RAC1: variants seen among roughly 807,000 people sequenced by gnomAD.
RAC1 encodes the protein ras-related C3 botulinum toxin substrate 1.
A neutral mutation model predicts 25.2 loss-of-function variants in RAC1; 2 were observed. That is an observed-to-expected ratio of 0.08 (90% CI 0.03 to 0.25). The LOEUF (loss-of-function observed/expected upper bound fraction) is 0.25, where lower values mean the gene tolerates loss of function less well. RAC1 is among the 10% of genes least tolerant of loss of function. The probability of loss-of-function intolerance (pLI) is 1.00; values close to 1 mark genes in which losing one functional copy is unlikely to be tolerated. For missense variants in RAC1, 50 were observed against 235.7 expected, an observed-to-expected ratio of 0.21 and a Z score of 5.16; for synonymous variants, 88 against 94.0, an observed-to-expected ratio of 0.94 and a Z score of 0.37.
chr7:6,381,390 CTTTTT>C (rs71008386), intron 1 of RAC1, among the ~76,000 whole-genome samples: 2 of 132,286 alleles, frequency 1.5e-5, no homozygotes, highest in Non-Finnish European at 3.2e-5. Flanking sequence ...TAATTGCTGG[CTTTTT>C]TTTTTTTTTT....
At chr7:6,402,219 G>A in intron 5 of RAC1, 97 bp from the exon 6 acceptor site, 1 of 1,509,500 alleles carries the variant, frequency 6.6e-7, no homozygotes. Context: ...GGAGCCGGCA[G>A]AAGGCGCCCG....
intron 1 of RAC1, among the ~76,000 whole-genome samples, chr7:6,377,610 A>G (rs1462273356): frequency 6.6e-6 from 1 of 151,514 alleles, no homozygotes; most frequent in Admixed American, 6.6e-5. Context: ...AGCAAAAACA[A>G]AAACTATTAG....
At chr7:6,390,134 G>C (rs1783050589) in intron 2 of RAC1, among the ~76,000 whole-genome samples, 1 of 106,410 alleles carries the variant, frequency 9.4e-6, no homozygotes, top group African/African-American at 3.8e-5. Flanking sequence ...GGGTCTTGCA[G>C]TATTGCCCAG....
chr7:6,382,430 G>C (rs1782793630), intron 1 of RAC1, among the ~76,000 whole-genome samples: 1 of 152,248 alleles, frequency 6.6e-6, no homozygotes, highest in South Asian at 2.1e-4. Context: ...GTTATTTTTT[G>C]AGCTTCTTGG....
rs1319193151 is a variant in RAC1, at chr7:6,402,867, C to CA, written c.*422dup. 1.0e-5 allele frequency: 2 copies of CA among 200,172 alleles called. No homozygotes were observed. Among genetic ancestry groups the CA allele is most frequent in the African/African-American group, 4.6e-5 (2 of 43,342 alleles). 12.4% of individuals were successfully genotyped at this position (200,172 alleles called of 1,614,324 possible). The stretch of plus-strand genomic sequence containing the variant: ...CGGTAGCTTCTGCAGTTAGGAGGTG[C>CA]AGACACTTGCTCTCCTATGTAGTTC... On this transcript the variant is annotated 3_prime_UTR_variant, in exon 6 of 6. Coordinates refer to ENST00000348035, the MANE Select transcript of RAC1 (RefSeq NM_006908.5).
intron 3 of RAC1, among the ~76,000 whole-genome samples, chr7:6,393,649 C>G (rs908064688): frequency 1.3e-5 from 2 of 152,204 alleles, no homozygotes; most frequent in Non-Finnish European, 2.9e-5. Flanking sequence ...CTTCATGTTT[C>G]CTCTGTGTGA....
In RAC1 at chr7:6,403,031, T is replaced by C; in HGVS notation, c.*585T>C. On this transcript the variant is annotated 3_prime_UTR_variant, in exon 6 of 6. Coordinates refer to ENST00000348035, the MANE Select transcript of RAC1 (RefSeq NM_006908.5). ...CAGCTCAGCTCTTTGGATCAGTCTT[T>C]GTGATTTCATAGCGAGTTTTCTGAC... The C allele has an allele frequency of 5.1e-6, 1 of 196,500 alleles. No homozygotes were observed. The highest frequency in any genetic ancestry group is 1.8e-3 in the Middle Eastern group (1 of 570). The allele number at this position is 196,500 out of a possible 1,614,324, so 12.2% of individuals were successfully genotyped here.
chr7:6,399,347 A>C (rs1783335718), intron 3 of RAC1, among the ~76,000 whole-genome samples: 1 of 152,218 alleles, frequency 6.6e-6, no homozygotes, highest in Admixed American at 6.5e-5. Flanking sequence ...GCCTTTTTCC[A>C]GGAGAATATT....
intron 5 of RAC1, 113 bp downstream of exon 5, chr7:6,402,140 C>G (rs1166935885): frequency 1.4e-6 from 2 of 1,443,492 alleles, no homozygotes; most frequent in African/African-American, 2.8e-5. Flanking sequence ...GCCTGGTGTA[C>G]TCTTGGGGAA....
rs1162845179 is a variant in RAC1, at chr7:6,403,927, TTA to T, written c.*1483_*1484del. The T allele has an allele frequency of 9.1e-6, 2 of 219,662 alleles. No individual in the cohort carries two copies. Among genetic ancestry groups the T allele is most frequent in the Admixed American group, 5.8e-5 (1 of 17,288 alleles). The allele number at this position is 219,662 out of a possible 1,614,324, so 13.6% of individuals were successfully genotyped here. The stretch of plus-strand genomic sequence containing the variant: ...TGATCTTTTGCTAATGCAATTAGCA[TTA>T]TGTTTTGCATGTATGACTTAATAAA... On this transcript the variant is annotated 3_prime_UTR_variant, in exon 6 of 6. Coordinates refer to ENST00000348035, the MANE Select transcript of RAC1 (RefSeq NM_006908.5).
At chr7:6,390,387 G>A (rs992130489) in intron 2 of RAC1, among the ~76,000 whole-genome samples, 5 of 151,784 alleles carry the variant, frequency 3.3e-5, no homozygotes, top group Non-Finnish European at 7.4e-5. Flanking sequence ...GCATTATGAG[G>A]TCAGGAGATC....
chr7:6,379,652 T>C (rs1782709505), intron 1 of RAC1, among the ~76,000 whole-genome samples: 1 of 152,238 alleles, frequency 6.6e-6, no homozygotes, highest in African/African-American at 2.4e-5. Flanking sequence ...TTAGGCGATC[T>C]GCCCGCCTTG....
intron 4 of RAC1, among the ~76,000 whole-genome samples, chr7:6,400,987 T>TG (rs1011760252): frequency 1.3e-5 from 2 of 152,060 alleles, no homozygotes; most frequent in African/African-American, 4.8e-5. Flanking sequence ...GACAGAATCT[T>TG]GCACTGTCAT....
chr7:6,387,796 T>G (rs1211281779), intron 2 of RAC1, among the ~76,000 whole-genome samples: 2 of 151,826 alleles, frequency 1.3e-5, no homozygotes, highest in East Asian at 3.9e-4. Context: ...TTTTTAGACA[T>G]CCAGAAAGCA....
intron 1 of RAC1, among the ~76,000 whole-genome samples, chr7:6,381,499 T>G (rs1004274440): frequency 1.3e-5 from 2 of 151,276 alleles, no homozygotes; most frequent in Non-Finnish European, 1.5e-5. Context: ...TTCAAGCAAT[T>G]CTCCTGCCTC....
At chr7:6,387,846 TA>T (rs1187760729) in intron 2 of RAC1, among the ~76,000 whole-genome samples, 4 of 152,332 alleles carry the variant, frequency 2.6e-5, no homozygotes, top group Admixed American at 1.3e-4. Context: ...TGGATGATGT[TA>T]AAGAAAACCA....
At chr7:6,395,157 G>A (rs28421827) in intron 3 of RAC1, among the ~76,000 whole-genome samples, 7,846 of 152,086 alleles carry the variant, frequency 0.052, 265 homozygotes, top group South Asian at 0.1. Context: ...TAGAGACGGG[G>A]GTTTCTCCAC....
chr7:6,386,475 A>G (rs1256364532), intron 1 of RAC1, among the ~76,000 whole-genome samples: 1 of 152,058 alleles, frequency 6.6e-6, no homozygotes. Context: ...GTGTTTGTAT[A>G]TTAGTGTTAA....
intron 3 of RAC1, among the ~76,000 whole-genome samples, chr7:6,395,451 C>CT (rs1783209179): frequency 6.6e-6 from 1 of 152,234 alleles, no homozygotes; most frequent in Non-Finnish European, 1.5e-5. Flanking sequence ...AGTTGTTACT[C>CT]TTCGCCGCGA....
Sources: allele counts gnomAD v4.1 joint callset (sites outside exome capture counted in the v4.1 genomes callset), GRCh38; gene constraint gnomAD v4.1.1; transcripts MANE v1.5; gene names NCBI Gene and HGNC (gene_info 2026-07-23, HGNC 2026-07-21).